Variants in EFHC2 observed in about 807,000 individuals in gnomAD.
The protein encoded by EFHC2 is EF-hand domain containing 2, also known as EF-hand domain-containing family member C2.
Under a neutral mutation model 52.7 loss-of-function variants are expected in EFHC2, and 18 were observed. The observed-to-expected ratio is 0.34, with a 90% CI of 0.24 to 0.51. EFHC2 has a LOEUF of 0.51. Ranked by LOEUF, EFHC2 falls within the 20% of genes least tolerant of loss-of-function variation. EFHC2 has a pLI of 0.97. For missense variants in EFHC2, 513 were observed against 562.5 expected, an observed-to-expected ratio of 0.91 and a Z score of 0.89; for synonymous variants, 203 against 204.1, an observed-to-expected ratio of 0.99 and a Z score of 0.04.
At chrX:44,283,614 G>C (rs1042610485) in intron 2 of EFHC2, among the ~76,000 whole-genome samples, 6 of 99,327 alleles carry the variant, frequency 6.0e-5, no homozygotes, top group Non-Finnish European at 8.1e-5. Flanking sequence ...TGCGTTCCGG[G>C]CTCGGACGCC....
At chrX:44,290,575 G>T in intron 2 of EFHC2, among the ~76,000 whole-genome samples, 1 of 89,687 alleles carries the variant, frequency 1.1e-5, no homozygotes, top group Non-Finnish European at 2.2e-5. Context: ...ACAAAATAGG[G>T]TGGGTGGGTG....
chrX:44,211,866 CAA>C (rs1164155147), intron 11 of EFHC2, among the ~76,000 whole-genome samples: 4,730 of 50,368 alleles, frequency 0.094, 479 homozygotes, highest in African/African-American at 0.31. Flanking sequence ...GACTCCCTCT[CAA>C]AAAAAAAAAA....
At chrX:44,260,998 G>A (rs1348652147) in intron 4 of EFHC2, 77 bp downstream of exon 4, 5 of 899,726 alleles carry the variant, frequency 5.6e-6, no homozygotes, top group East Asian at 3.1e-5. Context: ...TGCATCAGGA[G>A]TACAAACACC....
chrX:44,228,314 A>G (rs1008902522), intron 11 of EFHC2, among the ~76,000 whole-genome samples: 1 of 111,929 alleles, frequency 8.9e-6, no homozygotes, highest in African/African-American at 3.3e-5. Context: ...AAAAAGCCCT[A>G]TAAACTCACT....
intron 1 of EFHC2, among the ~76,000 whole-genome samples, chrX:44,325,646 A>G (rs2038047297): frequency 9.2e-6 from 1 of 108,772 alleles, no homozygotes; most frequent in South Asian, 4.1e-4. Flanking sequence ...CTACATCAGG[A>G]GCTGTTGATC....
chrX:44,232,035 C>G (rs1196116026), intron 10 of EFHC2, among the ~76,000 whole-genome samples: 1 of 112,481 alleles, frequency 8.9e-6, no homozygotes, highest in Non-Finnish European at 1.9e-5. Context: ...GTTGTAAACC[C>G]AGCAACTATT....
intron 1 of EFHC2, among the ~76,000 whole-genome samples, chrX:44,313,095 CAAAA>C (rs1276344069): frequency 8.0e-5 from 4 of 50,057 alleles, no homozygotes; most frequent in Non-Finnish European, 1.7e-4. Context: ...ATGCAAACAG[CAAAA>C]AAAAAAAAAA....
chrX:44,231,591 A>G (rs955395850), intron 10 of EFHC2, among the ~76,000 whole-genome samples: 1 of 107,034 alleles, frequency 9.3e-6, no homozygotes, highest in Non-Finnish European at 1.9e-5. Context: ...CACACTTCTC[A>G]TTCTGTCTTG....
chrX:44,265,889 G>A (rs771779860), intron 3 of EFHC2, among the ~76,000 whole-genome samples: 205 of 111,392 alleles, frequency 1.8e-3, no homozygotes, highest in Non-Finnish European at 1.8e-3. Context: ...ATACACAACC[G>A]GGCACTCACC....
intron 11 of EFHC2, among the ~76,000 whole-genome samples, chrX:44,192,054 A>G (rs989040601): frequency 2.5e-4 from 23 of 92,398 alleles, no homozygotes; most frequent in Non-Finnish European, 3.5e-4. Context: ...TTGAATTCAC[A>G]TATGTAAGTG....
At position 44,178,515 on chromosome X, in the gene EFHC2, C is replaced by A; in HGVS notation, c.1801G>T (p.Val601Leu). Residue 601 changes from valine to leucine, a missense_variant, in exon 12 of 15, where the codon GTA (valine) becomes TTA (leucine). By Grantham distance (32) the Val-to-Leu change is conservative (BLOSUM62 1). Coordinates refer to ENST00000420999, the MANE Select transcript of EFHC2 (RefSeq NM_025184.4). ...ACACGGTAGTGACGTGCAATGGTTACAAATTCTTGCTCTGCAAGGTTTCCA... is the reference window on the plus strand; with the variant it reads ...ACACGGTAGTGACGTGCAATGGTTAAAAATTCTTGCTCTGCAAGGTTTCCA... ...TVGNLAEQEF[V>L]TIARHYRVPE... 1 of 1,203,370 alleles carries A rather than the reference C, an allele frequency of 8.3e-7. No individual in the cohort carries two copies. Among genetic ancestry groups the A allele is most frequent in the Non-Finnish European group, 1.1e-6 (1 of 892,876 alleles).
chrX:44,232,390 G>A (rs2037284702), intron 10 of EFHC2, 91 bp downstream of exon 10: 2 of 679,317 alleles, frequency 2.9e-6, no homozygotes, highest in Non-Finnish European at 4.1e-6. Context: ...ACAACTGGTG[G>A]CAAGATGAAG....
intron 11 of EFHC2, among the ~76,000 whole-genome samples, chrX:44,198,376 A>C (rs961856651): frequency 8.9e-6 from 1 of 111,893 alleles, no homozygotes; most frequent in South Asian, 3.7e-4. Flanking sequence ...TAAGATTTTT[A>C]AATAGTGGAA....
chrX:44,248,238 A>T (rs1602175245), intron 7 of EFHC2, 34 bp downstream of exon 7: 2 of 1,081,027 alleles, frequency 1.9e-6, no homozygotes, highest in Admixed American at 3.1e-5. Context: ...ATTTAATTTT[A>T]AAAATATTTT....
At chrX:44,233,045 A>G (rs1006897838) in intron 9 of EFHC2, among the ~76,000 whole-genome samples, 1 of 111,670 alleles carries the variant, frequency 9.0e-6, no homozygotes, top group African/African-American at 3.3e-5. Flanking sequence ...AATGGTGTGT[A>G]ATTCTAGCCT....
At chrX:44,209,043 G>C (rs1460234639) in intron 11 of EFHC2, among the ~76,000 whole-genome samples, 4 of 58,944 alleles carry the variant, frequency 6.8e-5, no homozygotes, top group African/African-American at 2.6e-4. Flanking sequence ...GTGTGTGTGT[G>C]TGTGTGTGTG....
At chrX:44,211,705 C>CA (rs1219542584) in intron 11 of EFHC2, among the ~76,000 whole-genome samples, 3 of 106,363 alleles carry the variant, frequency 2.8e-5, no homozygotes, top group African/African-American at 1.0e-4. Context: ...ACTAAACATA[C>CA]AAAAAAAATA....
intron 2 of EFHC2, among the ~76,000 whole-genome samples, chrX:44,294,248 ACGTGTGTGTGTG>A (rs1160737892): frequency 1.5e-5 from 1 of 65,429 alleles, no homozygotes; most frequent in African/African-American, 5.4e-5. Flanking sequence ...GGTATACTCA[ACGTGTGTGTGTG>A]TGTGTGTGTG....
chrX:44,192,563 C>T (rs749609363), intron 11 of EFHC2, among the ~76,000 whole-genome samples: 1 of 111,971 alleles, frequency 8.9e-6, no homozygotes, highest in East Asian at 2.8e-4. Flanking sequence ...CTTTACTTAG[C>T]TTAGAAAATG....
Sources: gnomAD v4.1 joint callset for allele counts (sites outside exome capture counted in the v4.1 genomes callset) on GRCh38, gnomAD v4.1.1 for gene constraint, MANE v1.5 for transcripts, NCBI Gene and HGNC (gene_info 2026-07-23, HGNC 2026-07-21) for gene names.